WTIP: variants seen among roughly 807,000 people sequenced by gnomAD.
WTIP encodes the protein Wilms tumor protein 1-interacting protein.
Under a neutral mutation model 41.7 loss-of-function variants are expected in WTIP, and 23 were observed. That is an observed-to-expected ratio of 0.55 (90% CI 0.40 to 0.78). WTIP has a LOEUF of 0.78. Among genes scored for constraint, WTIP ranks in the 30% least tolerant of loss-of-function variants. The probability of loss-of-function intolerance (pLI) is 0.00; values close to 1 mark genes in which losing one functional copy is unlikely to be tolerated. For missense variants in WTIP, 619 were observed against 610.5 expected, an observed-to-expected ratio of 1.01 and a Z score of -0.15; for synonymous variants, 314 against 269.9, an observed-to-expected ratio of 1.16 and a Z score of -1.60.
In WTIP at chr19:34,511,695, A is replaced by G. The variant is rs1480139741; in HGVS notation, c.*11426A>G. 1 of 152,192 alleles carries G rather than the reference A, an allele frequency of 6.6e-6. No individual in the cohort carries two copies. Among genetic ancestry groups the G allele is most frequent in the African/African-American group, 2.4e-5 (1 of 41,452 alleles). 9.4% of individuals were successfully genotyped at this position (152,192 alleles called of 1,614,324 possible). A position where few individuals can be genotyped will look rare whatever the true frequency, so the allele number is the denominator to read the frequency against. ...ACCAACCCTAGGTATTGCCAATAAG[A>G]AAACAAAGTCTGTATCAATTTGATG... is the stretch of plus-strand genomic sequence containing the variant. On this transcript the variant is annotated 3_prime_UTR_variant, in exon 8 of 8. Coordinates refer to ENST00000590071, the MANE Select transcript of WTIP (RefSeq NM_001080436.2).
chr19:34,486,251 G>A (rs1397901651), intron 1 of WTIP, among the ~76,000 whole-genome samples: 1 of 152,030 alleles, frequency 6.6e-6, no homozygotes, highest in African/African-American at 2.4e-5. Context: ...CCCCCTCTGC[G>A]GCCACTATAC....
At chr19:34,490,308 G>A (rs1362233222) in intron 1 of WTIP, 68 bp from the exon 2 acceptor site, 109 of 1,477,844 alleles carry the variant, frequency 7.4e-5, no homozygotes, top group Admixed American at 1.0e-4. Context: ...GTGTCAAGAC[G>A]GGGAGTCCGT....
intron 2 of WTIP, among the ~76,000 whole-genome samples, chr19:34,492,665 G>A (rs539514467): frequency 6.9e-6 from 1 of 145,296 alleles, no homozygotes; most frequent in African/African-American, 2.5e-5. Flanking sequence ...CTCCAGCCTG[G>A]GCGACACAGT....
rs1599967491 is a variant in WTIP at position 34,501,080 on chromosome 19, G to T, written c.*811G>T. On this transcript the variant is annotated 3_prime_UTR_variant, in exon 8 of 8. Coordinates refer to ENST00000590071, the MANE Select transcript of WTIP (RefSeq NM_001080436.2). ...CCTGTGTCTGCGCGCGGGGCAAGGG[G>T]CTCCACGACAAAAGGACAAGATTTG... 1.3e-5 allele frequency: 2 copies of T among 152,810 alleles called. No homozygotes were observed. Among genetic ancestry groups the T allele is most frequent in the Middle Eastern group, 6.8e-3 (2 of 294 alleles). 9.5% of individuals were successfully genotyped at this position (152,810 alleles called of 1,614,324 possible).
Position 34,505,979 on chromosome 19 carries a change from C to G in WTIP, c.*5710C>G, listed in dbSNP as rs1055580714. Reference sequence around the variant, plus strand: ...CTGGGGTCACCACCTTCCTGAGCTGCGTGGATCTCAGCCAGGACTTCTCGT... The same window carrying G: ...CTGGGGTCACCACCTTCCTGAGCTGGGTGGATCTCAGCCAGGACTTCTCGT... On this transcript the variant is annotated 3_prime_UTR_variant, in exon 8 of 8. Coordinates refer to ENST00000590071, the MANE Select transcript of WTIP (RefSeq NM_001080436.2). 6.6e-6 allele frequency: 1 copy of G among 152,252 alleles called. No individual in the cohort carries two copies. Among genetic ancestry groups the G allele is most frequent in the Admixed American group, 6.5e-5 (1 of 15,278 alleles). The allele number at this position is 152,252 out of a possible 1,614,324, so 9.4% of individuals were successfully genotyped here. A position where few individuals can be genotyped will look rare whatever the true frequency, so the allele number is the denominator to read the frequency against.
rs1051484827 is a variant in WTIP, at chr19:34,500,858, G to T, written c.*589G>T. ...TGCAAAGGGCACTGCCTGTGGCCACGTGGTGTCTGTGGGAATTGGTCCTGG... is the reference window on the plus strand; with the variant it reads ...TGCAAAGGGCACTGCCTGTGGCCACTTGGTGTCTGTGGGAATTGGTCCTGG... On this transcript the variant is annotated 3_prime_UTR_variant, in exon 8 of 8. Transcript: ENST00000590071. The T allele has an allele frequency of 1.3e-5, 2 of 152,496 alleles. No individual in the cohort carries two copies. The highest frequency in any genetic ancestry group is 6.5e-5 in the Admixed American group (1 of 15,302). 9.4% of individuals were successfully genotyped at this position (152,496 alleles called of 1,614,324 possible).
At chr19:34,487,409 G>A (rs1304841255) in intron 1 of WTIP, among the ~76,000 whole-genome samples, 4 of 152,188 alleles carry the variant, frequency 2.6e-5, no homozygotes, top group African/African-American at 9.7e-5. Flanking sequence ...GCCCCTGCCT[G>A]GTTCTGAAGG....
rs747436598 is a variant in WTIP, at chr19:34,493,132, C to A, written c.837+28C>A. On this transcript the variant is annotated intron_variant, in intron 3 of 7. Coordinates refer to ENST00000590071, the MANE Select transcript of WTIP (RefSeq NM_001080436.2). The surrounding 1 kb of genome is among the most constrained non-coding windows in gnomAD (Gnocchi z 4.1). ...GAGTCCAAGCTGTGCCCTGGCAGTGCCAGGGGTGGGAGGTGGGGCAGGGAC... is the reference window on the plus strand; with the variant it reads ...GAGTCCAAGCTGTGCCCTGGCAGTGACAGGGGTGGGAGGTGGGGCAGGGAC... 1 of 1,613,808 alleles carries A rather than the reference C, an allele frequency of 6.2e-7. No homozygotes were observed. Among genetic ancestry groups the A allele is most frequent in the Non-Finnish European group, 8.5e-7 (1 of 1,179,768 alleles).
chr19:34,488,680 C>T (rs1371758745), intron 1 of WTIP, among the ~76,000 whole-genome samples: 1 of 151,530 alleles, frequency 6.6e-6, no homozygotes, highest in Admixed American at 6.6e-5. Flanking sequence ...TTCCTTATTT[C>T]CTTCAGGCCT....
At position 34,512,012 on chromosome 19, in the gene WTIP, C is replaced by T. The variant is rs879643782; in HGVS notation, c.*11743C>T. On this transcript the variant is annotated 3_prime_UTR_variant, in exon 8 of 8. Coordinates refer to ENST00000590071, the MANE Select transcript of WTIP (RefSeq NM_001080436.2). ...CTTTGAGGGTCTGGTGCGTTTCCTC[C>T]ATTCACTGAAGTTTTATTTTACATC... 2.0e-5 allele frequency: 3 copies of T among 152,192 alleles called. No individual in the cohort carries two copies. The highest frequency in any genetic ancestry group is 4.4e-5 in the Non-Finnish European group (3 of 68,042). The allele number at this position is 152,192 out of a possible 1,614,324, so 9.4% of individuals were successfully genotyped here.
In WTIP at chr19:34,487,225, C is replaced by T. The variant is rs148904569; in HGVS notation, c.668-3151C>T. ...ATGCAAGCGATTCTCCCACCTCAGC[C>T]TCCCAAGCAACTGGGATTAGTGTCC... On this transcript the variant is annotated intron_variant, in intron 1 of 7. Coordinates refer to ENST00000590071, the MANE Select transcript of WTIP (RefSeq NM_001080436.2). 3.8e-3 allele frequency among the ~76,000 whole-genome samples: 572 copies of T among 151,960 alleles called. 7 individuals carry two copies. Among genetic ancestry groups the T allele is most frequent in the African/African-American group, 0.013 (546 of 41,402 alleles).
At position 34,511,490 on chromosome 19, in the gene WTIP, A is replaced by G. The variant is rs1487341930; in HGVS notation, c.*11221A>G. The G allele has an allele frequency of 6.6e-6, 1 of 152,154 alleles. No individual in the cohort carries two copies. The highest frequency in any genetic ancestry group is 1.5e-5 in the Non-Finnish European group (1 of 68,038). The allele number at this position is 152,154 out of a possible 1,614,324, so 9.4% of individuals were successfully genotyped here. On this transcript the variant is annotated 3_prime_UTR_variant, in exon 8 of 8. Transcript: ENST00000590071. ...TCTACAAAAACAAAAACAAAATAAA[A>G]AAAAGTAGCTACGTGTTTGGGCCTG...
At chr19:34,482,770 G>T (rs1221139336) in intron 1 of WTIP, 129 bp downstream of exon 1, 2 of 1,200,496 alleles carry the variant, frequency 1.7e-6, no homozygotes, top group African/African-American at 1.6e-5. Context: ...CAGTGCACGG[G>T]GTTGGGACGA....
intron 1 of WTIP, among the ~76,000 whole-genome samples, chr19:34,484,317 C>A (rs546038111): frequency 6.6e-6 from 1 of 152,080 alleles, no homozygotes; most frequent in African/African-American, 2.4e-5. Flanking sequence ...GGAGGCCAGG[C>A]GGGATGAGAG....
At position 34,500,239 on chromosome 19, in the gene WTIP, C is replaced by T; in HGVS notation, c.1263C>T (p.Pro421=). Residue 421 remains proline (P), a synonymous_variant, in exon 8 of 8, where the codon CCC becomes CCT. Transcript: ENST00000590071. ...HLRRLQPGPL[P]SPTVHVTEL ...GGCGCCTCCAACCTGGGCCTCTTCCCTCACCCACTGTGCACGTCACTGAGC... is the reference window on the plus strand; with the variant it reads ...GGCGCCTCCAACCTGGGCCTCTTCCTTCACCCACTGTGCACGTCACTGAGC... 16 of 1,608,452 alleles carry T rather than the reference C, an allele frequency of 9.9e-6. No individual in the cohort carries two copies. The highest frequency in any genetic ancestry group is 1.4e-5 in the Non-Finnish European group (16 of 1,179,470).
At position 34,502,961 on chromosome 19, in the gene WTIP, C is replaced by T. The variant is rs1488544032; in HGVS notation, c.*2692C>T. 6.6e-6 allele frequency: 1 copy of T among 152,608 alleles called. No individual in the cohort carries two copies. The highest frequency in any genetic ancestry group is 2.4e-5 in the African/African-American group (1 of 41,436). The allele number at this position is 152,608 out of a possible 1,614,324, so 9.5% of individuals were successfully genotyped here. On this transcript the variant is annotated 3_prime_UTR_variant, in exon 8 of 8. Transcript: ENST00000590071. ...GAGCCGGGTTTCTCCTTGTTGCCAA[C>T]CCGGTCCTTCTCCTCCCCTTCCTTT...
At position 34,482,451 on chromosome 19, in the gene WTIP, C is replaced by T. The variant is rs999575527; in HGVS notation, c.477C>T (p.Phe159=). 6.2e-6 allele frequency: 8 copies of T among 1,293,840 alleles called. No individual in the cohort carries two copies. The highest frequency in any genetic ancestry group is 3.1e-4 in the Middle Eastern group (1 of 3,268). 80.1% of individuals were successfully genotyped at this position (1,293,840 alleles called of 1,614,324 possible). The part of the protein sequence containing the change: ...SRGSAGAYAD[F]LPPGACPAPA... ...GCTCGGCCGGCGCCTACGCTGACTT[C>T]CTCCCGCCCGGCGCCTGCCCCGCGC... The change falls in exon 1 of 8, where the codon TTC becomes TTT. Residue 159 remains phenylalanine, a synonymous_variant. Coordinates refer to ENST00000590071, the MANE Select transcript of WTIP (RefSeq NM_001080436.2).
intron 7 of WTIP, among the ~76,000 whole-genome samples, chr19:34,497,249 G>C (rs1488152096): frequency 6.6e-6 from 1 of 152,164 alleles, no homozygotes; most frequent in Non-Finnish European, 1.5e-5. Context: ...GCTCCCCTGG[G>C]CAGCTGGAGC....
intron 1 of WTIP, among the ~76,000 whole-genome samples, chr19:34,486,273 G>C (rs986101909): frequency 2.0e-5 from 3 of 152,046 alleles, no homozygotes; most frequent in African/African-American, 4.8e-5. Flanking sequence ...AGGCTGGGAA[G>C]GGCTCTGAGG....
Sources: allele counts gnomAD v4.1 joint callset (sites outside exome capture counted in the v4.1 genomes callset), GRCh38; gene constraint gnomAD v4.1.1; non-coding constraint Gnocchi (gnomAD v3.1); transcripts MANE v1.5; gene names NCBI Gene and HGNC (gene_info 2026-07-23, HGNC 2026-07-21).